Variants in C9 observed in about 807,000 individuals in gnomAD.
C9 encodes the protein complement C9, also known as complement component C9.
Under a neutral mutation model 65.4 loss-of-function variants are expected in C9, and 63 were observed. The ratio of observed to expected loss-of-function variants is 0.96; its 90% CI spans 0.79 to 1.19. C9 has a LOEUF of 1.19. Ranked by LOEUF, C9 falls within the 50% of genes most tolerant of loss-of-function variation. The pLI, the probability that C9 is intolerant of heterozygous loss-of-function variation, is 0.00. For synonymous variants in C9, 229 were observed against 227.9 expected (o/e 1.00, Z -0.04); for missense variants, 744 against 670.1 (o/e 1.11, Z -1.22).
intron 7 of C9, among the ~76,000 whole-genome samples, chr5:39,310,081 C>G (rs3776534): frequency 0.027 from 4,076 of 152,226 alleles, 131 homozygotes; most frequent in African/African-American, 0.07. Flanking sequence ...TCCACTCCCC[C>G]CCGGGAAAGC....
intron 6 of C9, among the ~76,000 whole-genome samples, chr5:39,312,334 T>C (rs1753498991): frequency 6.6e-6 from 1 of 152,164 alleles, no homozygotes; most frequent in Non-Finnish European, 1.5e-5. Context: ...AAAACAACAG[T>C]GGAAGGAAAT....
chr5:39,342,150 CTA>C lies in C9; in HGVS notation c.122_123del (p.Ile41ArgfsTer9), dbSNP rs868434417. ...LTESSGSASH[I>X]DCRMSPWSEW... is the part of the protein sequence containing the mutation. ...TCACTCCAGGGGCTCATTCTGCAGTCTATGTGTGATGCAGAGCCACTGCTTTC... is the reference window on the plus strand; with the variant it reads ...TCACTCCAGGGGCTCATTCTGCAGTCTGTGTGATGCAGAGCCACTGCTTTC... On this transcript the variant is annotated frameshift_variant, in exon 2 of 11. Transcript: ENST00000263408. LOFTEE classifies it high-confidence loss of function. 1.2e-6 allele frequency: 2 copies of C among 1,610,030 alleles called. No individual in the cohort carries two copies. Among genetic ancestry groups the C allele is most frequent in the African/African-American group, 2.7e-5 (2 of 74,822 alleles).
At chr5:39,321,028 G>T (rs1753657846) in intron 5 of C9, among the ~76,000 whole-genome samples, 1 of 152,034 alleles carries the variant, frequency 6.6e-6, no homozygotes, top group African/African-American at 2.4e-5. Flanking sequence ...AAATGCTAAA[G>T]GGAGTTCTTC....
intron 5 of C9, among the ~76,000 whole-genome samples, chr5:39,323,230 C>G (rs1278842652): frequency 6.6e-6 from 1 of 151,866 alleles, no homozygotes; most frequent in Non-Finnish European, 1.5e-5. Flanking sequence ...TGAAGTCTAC[C>G]AGATATTTAA....
chr5:39,339,169 ATGCCAT>A (rs1754021682), intron 4 of C9, among the ~76,000 whole-genome samples: 1 of 152,228 alleles, frequency 6.6e-6, no homozygotes. Context: ...GAAAACTCCC[ATGCCAT>A]TTACTGCCTA....
At chr5:39,295,730 A>G (rs1446671476) in intron 9 of C9, among the ~76,000 whole-genome samples, 1 of 151,712 alleles carries the variant, frequency 6.6e-6, no homozygotes, top group Non-Finnish European at 1.5e-5. Context: ...TTAAACAAAC[A>G]ACAACAACAA....
At chr5:39,317,054 T>C (rs953515484) in intron 5 of C9, among the ~76,000 whole-genome samples, 1 of 152,232 alleles carries the variant, frequency 6.6e-6, no homozygotes, top group Admixed American at 6.5e-5. Flanking sequence ...TGGTTTGAGA[T>C]GGTATCTCAT....
intron 7 of C9, 32 bp from the exon 8 acceptor site, chr5:39,308,390 A>T (rs762750770): frequency 1.3e-6 from 2 of 1,514,258 alleles, no homozygotes; most frequent in Admixed American, 1.7e-5. Context: ...AAATTATTAG[A>T]TAATGTCTAC....
At position 39,292,873 on chromosome 5, in the gene C9, A is replaced by C. The variant is rs982621497; in HGVS notation, c.1417-3922T>G. Among the ~76,000 whole-genome samples the C allele has an allele frequency of 3.3e-5, 5 of 150,578 alleles. 1 individual carries two copies. Among genetic ancestry groups the C allele is most frequent in the African/African-American group, 1.2e-4 (5 of 41,282 alleles). ...TGTGAATCATATGTTATAGAGTAAA[A>C]AATATTTTTTAAAAGAGACATGAGT... On this transcript the variant is annotated intron_variant, in intron 9 of 10. Transcript: ENST00000263408.
intron 9 of C9, among the ~76,000 whole-genome samples, chr5:39,289,576 A>G (rs577797051): frequency 3.3e-5 from 5 of 151,942 alleles, no homozygotes; most frequent in Non-Finnish European, 5.9e-5. Context: ...CTCAAGTAAC[A>G]GGAAACCATA....
intron 4 of C9, 33 bp downstream of exon 4, chr5:39,341,113 T>C (rs1391862620): frequency 6.2e-7 from 1 of 1,612,278 alleles, no homozygotes; most frequent in Admixed American, 1.7e-5. Context: ...TTTCACTCAT[T>C]TTCATCTGAA....
At chr5:39,302,787 C>G (rs1429315386) in intron 9 of C9, among the ~76,000 whole-genome samples, 1 of 152,110 alleles carries the variant, frequency 6.6e-6, no homozygotes, top group Non-Finnish European at 1.5e-5. Context: ...AAGTAGGTCA[C>G]AAATTTAGCT....
At chr5:39,329,894 A>T (rs1170876066) in intron 5 of C9, among the ~76,000 whole-genome samples, 1 of 152,180 alleles carries the variant, frequency 6.6e-6, no homozygotes, top group African/African-American at 2.4e-5. Flanking sequence ...CCCTCATGTA[A>T]GTTTGTGTTC....
intron 4 of C9, among the ~76,000 whole-genome samples, chr5:39,338,312 T>TG (rs1322931998): frequency 6.6e-6 from 1 of 152,132 alleles, no homozygotes; most frequent in African/African-American, 2.4e-5. Context: ...GGGTGTTGGT[T>TG]GGGGTTTTAA....
At chr5:39,359,102 G>GTGTGTGTGTGTATATA (rs1407613505) in intron 1 of C9, among the ~76,000 whole-genome samples, 13 of 103,666 alleles carry the variant, frequency 1.3e-4, no homozygotes, top group Admixed American at 2.2e-4. Context: ...GTGTGTGTGT[G>GTGTGTGTGTGTATATA]TATATATATA....
In C9 at chr5:39,284,982, T is replaced by G; in HGVS notation, c.*217A>C. On this transcript the variant is annotated 3_prime_UTR_variant, in exon 11 of 11. Coordinates refer to ENST00000263408, the MANE Select transcript of C9 (RefSeq NM_001737.5). ...AGTTCTGGCGTATTTCACTGTTGAC[T>G]TCTCATTAGGGAACAAAAAATGGAA... The G allele has an allele frequency of 7.7e-6, 4 of 520,672 alleles. No homozygotes were observed. The highest frequency in any genetic ancestry group is 3.1e-5 in the South Asian group (1 of 32,102). The allele number at this position is 520,672 out of a possible 1,614,324, so 32.3% of individuals were successfully genotyped here.
At chr5:39,337,136 A>T (rs1753984971) in intron 4 of C9, among the ~76,000 whole-genome samples, 1 of 152,226 alleles carries the variant, frequency 6.6e-6, no homozygotes, top group South Asian at 2.1e-4. Context: ...ATGCTTATTA[A>T]TTTTGTGAAA....
intron 5 of C9, among the ~76,000 whole-genome samples, chr5:39,319,845 G>A (rs1579855982): frequency 6.6e-6 from 1 of 152,052 alleles, no homozygotes; most frequent in Non-Finnish European, 1.5e-5. Context: ...CCAGTGCTAG[G>A]TTGACCTCTA....
rs1753475619 is a variant in C9, at chr5:39,311,174, T to C, written c.1074A>G (p.Leu358=). The change falls in exon 7 of 11, where the codon CTA becomes CTG. Residue 358 remains leucine, a synonymous_variant. Transcript: ENST00000263408. ...TGGAAGCTTTATCCAAAACATATAT[T>C]AGTTCATAGAGTCCTCCTAGAGACC... ...SSGSLGGLYE[L]IYVLDKASMK... is the part of the protein sequence containing the mutation. 1 of 1,613,100 alleles carries C rather than the reference T, an allele frequency of 6.2e-7. No individual in the cohort carries two copies. Among genetic ancestry groups the C allele is most frequent in the Non-Finnish European group, 8.5e-7 (1 of 1,179,252 alleles).
Sources: allele counts gnomAD v4.1 joint callset (sites outside exome capture counted in the v4.1 genomes callset), GRCh38; gene constraint gnomAD v4.1.1; transcripts MANE v1.5; gene names NCBI Gene and HGNC (gene_info 2026-07-23, HGNC 2026-07-21).